TOMM5: variants seen among roughly 807,000 people sequenced by gnomAD.
TOMM5 encodes mitochondrial import receptor subunit TOM5 homolog.
A neutral mutation model predicts 4.8 loss-of-function variants in TOMM5; 1 was observed. The ratio of observed to expected loss-of-function variants is 0.21; its 90% CI spans 0.07 to 0.99. The LOEUF is 0.99. Among genes scored for constraint, TOMM5 ranks in the 50% least tolerant of loss-of-function variants. The probability of loss-of-function intolerance (pLI) is 0.60; values close to 1 mark genes in which losing one functional copy is unlikely to be tolerated. For missense variants in TOMM5, 60 were observed against 66.6 expected, an observed-to-expected ratio of 0.90 and a Z score of 0.35; for synonymous variants, 26 against 26.7, an observed-to-expected ratio of 0.97 and a Z score of 0.08.
chr9:37,590,173 GATCGAGCCCAATAGTTTGAGA>G (rs1823078655), intron 1 of TOMM5, among the ~76,000 whole-genome samples: 2 of 152,292 alleles, frequency 1.3e-5, no homozygotes, highest in South Asian at 4.1e-4. Flanking sequence ...GAGAAGGATT[GATCGAGCCCAATAGTTTGAGA>G]CCAACCTGGG....
Position 37,591,280 on chromosome 9 carries a change from C to T in TOMM5, c.121+1132G>A, listed in dbSNP as rs192285206. Among the ~76,000 whole-genome samples, 19 of 152,226 alleles carry T rather than the reference C, an allele frequency of 1.2e-4. No homozygotes were observed. In the East Asian group the frequency reaches 3.5e-3, roughly 28 times the overall value. On this transcript the variant is annotated intron_variant, in intron 1 of 1. Transcript: ENST00000321301. ...AAAACCTCAAATATTTGCATTAATC[C>T]TATAGACTCATATTCTTTTTTCCCA...
At chr9:37,590,318 C>A (rs1032415735) in intron 1 of TOMM5, among the ~76,000 whole-genome samples, 1 of 152,072 alleles carries the variant, frequency 6.6e-6, no homozygotes, top group Admixed American at 6.5e-5. Context: ...CTTACTTGAG[C>A]CTGGGAGGTC....
rs754073350 is a variant in TOMM5, at chr9:37,588,881, T to C, written c.*17A>G. On this transcript the variant is annotated 3_prime_UTR_variant, in exon 2 of 2. Transcript: ENST00000321301. The stretch of plus-strand genomic sequence containing the variant: ...CCAGGCTCTTCATATCGTGCATTCA[T>C]ATGTGATGTCCTGTCTTCATATGCT... 1.9e-5 allele frequency: 30 copies of C among 1,613,670 alleles called. 1 individual carries two copies. The South Asian group carries it at 3.3e-4, about 18-fold the overall frequency.
At chr9:37,589,392 A>G (rs1823065653) in intron 1 of TOMM5, among the ~76,000 whole-genome samples, 1 of 152,236 alleles carries the variant, frequency 6.6e-6, no homozygotes, top group Non-Finnish European at 1.5e-5. Context: ...CTGATTAGCT[A>G]TATATCACTT....
At chr9:37,592,221 G>GCA (rs1450059981) in intron 1 of TOMM5, 191 bp downstream of exon 1, 3 of 1,525,378 alleles carry the variant, frequency 2.0e-6, no homozygotes, top group Non-Finnish European at 2.7e-6. Flanking sequence ...GCCACCACGT[G>GCA]CACTTCAGTG....
intron 1 of TOMM5, among the ~76,000 whole-genome samples, chr9:37,592,048 G>T (rs546230368): frequency 1.3e-5 from 2 of 152,030 alleles, no homozygotes; most frequent in Admixed American, 1.3e-4. Flanking sequence ...CTCCCGAGGA[G>T]CTGGGATTAC....
chr9:37,588,915 T>G lies in TOMM5; in HGVS notation c.139A>C (p.Lys47Gln). Residue 47 changes from lysine (K) to glutamine (Q), a missense_variant, in exon 2 of 2, where the codon AAA becomes CAA. Lys to Gln is a moderately conservative substitution (Grantham distance 53). Transcript: ENST00000321301. The stretch of plus-strand genomic sequence containing the variant: ...TCCTGTCTTCATATGCTGTCCAATT[T>G]CTTTAAGATAAATGGAGCTGAAAGA... ...LLRVTPFILK[K>Q]LDSI 6.2e-7 allele frequency: 1 copy of G among 1,613,760 alleles called. No homozygotes were observed. The highest frequency in any genetic ancestry group is 1.1e-5 in the South Asian group (1 of 90,996).
rs987490983 is a variant in TOMM5 at position 37,588,464 on chromosome 9, C to T, written c.*434G>A. The T allele has an allele frequency of 1.2e-4, 34 of 275,708 alleles. No homozygotes were observed. The highest frequency in any genetic ancestry group is 1.8e-4 in the East Asian group (2 of 10,948). 17.1% of individuals were successfully genotyped at this position (275,708 alleles called of 1,614,324 possible). A position where few individuals can be genotyped will look rare whatever the true frequency, so the allele number is the denominator to read the frequency against. ...AACATAGACTAATAATGATCCTGTG[C>T]TTAAATGTCATTGTGGTTGTGTGCT... On this transcript the variant is annotated 3_prime_UTR_variant, in exon 2 of 2. Transcript: ENST00000321301.
At chr9:37,591,591 C>T (rs1014110209) in intron 1 of TOMM5, among the ~76,000 whole-genome samples, 1 of 151,426 alleles carries the variant, frequency 6.6e-6, no homozygotes, top group Non-Finnish European at 1.5e-5. Flanking sequence ...ACTTGGGAGG[C>T]TGAGGTGGGA....
At chr9:37,590,509 C>T (rs76831165) in intron 1 of TOMM5, among the ~76,000 whole-genome samples, 1,810 of 152,178 alleles carry the variant, frequency 0.012, 27 homozygotes, top group African/African-American at 0.034. Context: ...ACAATGAATT[C>T]GTATGGTGTT....
chr9:37,589,541 A>G (rs1588873536), intron 1 of TOMM5, among the ~76,000 whole-genome samples: 1 of 151,734 alleles, frequency 6.6e-6, no homozygotes, highest in Non-Finnish European at 1.5e-5. Flanking sequence ...CCTGTGTAAA[A>G]GTGTTGTGAC....
In TOMM5 at chr9:37,589,070, A is replaced by G. The variant is rs1249388194; in HGVS notation, c.122-138T>C. 8.7e-6 allele frequency: 6 copies of G among 691,254 alleles called. No individual in the cohort carries two copies. In the Admixed American group the frequency reaches 1.7e-4, roughly 19 times the overall value. 42.8% of individuals were successfully genotyped at this position (691,254 alleles called of 1,614,324 possible). Reference sequence around the variant, plus strand: ...CAAGCATGTGCCTGTACAGCCCAGCAAAAGGGACTAGTTGCCTTCCAAAGC... The same window carrying G: ...CAAGCATGTGCCTGTACAGCCCAGCGAAAGGGACTAGTTGCCTTCCAAAGC... On this transcript the variant is annotated intron_variant, in intron 1 of 1. Coordinates refer to ENST00000321301, the MANE Select transcript of TOMM5 (RefSeq NM_001001790.3).
chr9:37,592,366 G>A (rs1423060849), intron 1 of TOMM5, 46 bp downstream of exon 1: 2 of 1,612,946 alleles, frequency 1.2e-6, no homozygotes, highest in Non-Finnish European at 1.7e-6. Flanking sequence ...GTGCCCGTCG[G>A]TGAGCTCCCC....
chr9:37,591,305 A>G (rs888350481), intron 1 of TOMM5, among the ~76,000 whole-genome samples: 1 of 151,912 alleles, frequency 6.6e-6, no homozygotes, highest in African/African-American at 2.4e-5. Context: ...CTTTTTTCCC[A>G]TTTTTTTCCA....
intron 1 of TOMM5, among the ~76,000 whole-genome samples, chr9:37,589,977 C>T (rs1823075907): frequency 6.6e-6 from 1 of 152,172 alleles, no homozygotes; most frequent in Non-Finnish European, 1.5e-5. Context: ...CCAACAGAAA[C>T]TTATTTAGCT....
chr9:37,588,840 G>A lies in TOMM5; in HGVS notation c.*58C>T, dbSNP rs1042702249. 9.8e-6 allele frequency: 15 copies of A among 1,537,898 alleles called. No homozygotes were observed. The highest frequency in any genetic ancestry group is 1.3e-5 in the Non-Finnish European group (14 of 1,110,620). ...TTCTGGGCCTATTCACTTGCAGAGA[G>A]GAGTCGAAACTGTAACCAGGCTCTT... On this transcript the variant is annotated 3_prime_UTR_variant, in exon 2 of 2. Transcript: ENST00000321301.
chr9:37,592,332 C>T (rs547399045), intron 1 of TOMM5, 80 bp downstream of exon 1: 1 of 1,602,478 alleles, frequency 6.2e-7, no homozygotes, highest in African/African-American at 1.3e-5. Flanking sequence ...TTCGAAGGCC[C>T]CGATGACCCC....
Position 37,592,552 on chromosome 9 carries a change from C to G in TOMM5, c.-20G>C. Reference sequence around the variant, plus strand: ...GAACATCGCGGCTCTGACTTAGCAGCTTCCAGCCGCCGCGCTCTGCTCTCC... The same window carrying G: ...GAACATCGCGGCTCTGACTTAGCAGGTTCCAGCCGCCGCGCTCTGCTCTCC... On this transcript the variant is annotated 5_prime_UTR_variant, in exon 1 of 2. Transcript: ENST00000321301. The G allele has an allele frequency of 6.2e-7, 1 of 1,606,576 alleles. No homozygotes were observed. The highest frequency in any genetic ancestry group is 8.5e-7 in the Non-Finnish European group (1 of 1,175,534).
chr9:37,588,676 T>C lies in TOMM5; in HGVS notation c.*222A>G. On this transcript the variant is annotated 3_prime_UTR_variant, in exon 2 of 2. Transcript: ENST00000321301. ...TGTCAGAGGCCAAACGTCACAGGGATAAGGGTACACCAGATCACGAGACAT... is the reference window on the plus strand; with the variant it reads ...TGTCAGAGGCCAAACGTCACAGGGACAAGGGTACACCAGATCACGAGACAT... 1 of 688,234 alleles carries C rather than the reference T, an allele frequency of 1.5e-6. No individual in the cohort carries two copies. Among genetic ancestry groups the C allele is most frequent in the Non-Finnish European group, 2.7e-6 (1 of 376,812 alleles). The allele number at this position is 688,234 out of a possible 1,614,324, so 42.6% of individuals were successfully genotyped here. A position where few individuals can be genotyped will look rare whatever the true frequency, so the allele number is the denominator to read the frequency against.
Sources: gnomAD v4.1 joint callset for allele counts (sites outside exome capture counted in the v4.1 genomes callset) on GRCh38, gnomAD v4.1.1 for gene constraint, MANE v1.5 for transcripts, NCBI Gene and HGNC (gene_info 2026-07-23, HGNC 2026-07-21) for gene names.